PHF11: variants seen among roughly 807,000 people sequenced by gnomAD.
PHF11 encodes PHD finger protein 11.
In PHF11, 38 loss-of-function variants were observed where a neutral mutation model predicts 40.5. That is an observed-to-expected ratio of 0.94 (90% confidence interval 0.72 to 1.23). PHF11 has a LOEUF of 1.23. Among genes scored for constraint, PHF11 ranks in the 50% most tolerant of loss-of-function variants. PHF11 has a pLI of 0.00. For synonymous variants in PHF11, 127 were observed against 138.2 expected (o/e 0.92, Z 0.57); for missense variants, 369 against 392.4 (o/e 0.94, Z 0.50).
At position 49,504,402 on chromosome 13, in the gene PHF11, G is replaced by A. The variant is rs1444535070; in HGVS notation, c.95-2233G>A. ...GCCCTGGAGGCAGAGGTTGCAGTGA[G>A]CCATCATTGCGCCACTGCACTCCAA... On this transcript the variant is annotated intron_variant, in intron 1 of 9. Transcript: ENST00000378319. Among the ~76,000 whole-genome samples, 5 of 152,232 alleles carry A rather than the reference G, an allele frequency of 3.3e-5. No homozygotes were observed. The East Asian group carries it at 7.7e-4, about 24-fold the overall frequency.
chr13:49,505,087 C>A (rs1044613645), intron 1 of PHF11, among the ~76,000 whole-genome samples: 47 of 144,586 alleles, frequency 3.3e-4, no homozygotes, highest in African/African-American at 1.1e-3. Context: ...TGAGAAACAC[C>A]CAAGAATGAT....
intron 1 of PHF11, chr13:49,497,048 C>G: frequency 8.0e-7 from 1 of 1,250,428 alleles, no homozygotes; most frequent in South Asian, 1.3e-5. Flanking sequence ...ATGGGCTTAC[C>G]TTTAAAGGGC....
At position 49,506,730 on chromosome 13, in the gene PHF11, A is replaced by G. The variant is rs773908293; in HGVS notation, c.190A>G (p.Asn64Asp). The change falls in exon 2 of 10, where the codon AAT (asparagine) becomes GAT (aspartate). Residue 64 changes from asparagine (N) to aspartate (D), a missense_variant. By Grantham distance (23) the Asn-to-Asp change is conservative (BLOSUM62 1). Coordinates refer to ENST00000378319, the MANE Select transcript of PHF11 (RefSeq NM_001040443.3). Reference sequence around the variant, plus strand: ...TGTCCTATACTTTGCACAATCAGAGAATATAGCTGCTCATGAGAATTGTTT... The same window carrying G: ...TGTCCTATACTTTGCACAATCAGAGGATATAGCTGCTCATGAGAATTGTTT... ...YNVLYFAQSE[N>D]IAAHENCLLY... The G allele has an allele frequency of 2.5e-6, 4 of 1,608,454 alleles. No individual in the cohort carries two copies. The highest frequency in any genetic ancestry group is 3.4e-6 in the Non-Finnish European group (4 of 1,175,514).
chr13:49,496,583 G>T lies in PHF11; in HGVS notation c.94+488G>T, dbSNP rs1450235816. 8.5e-6 allele frequency: 3 copies of T among 353,414 alleles called. No homozygotes were observed. The East Asian group carries it at 5.1e-4, about 60-fold the overall frequency. 21.9% of individuals were successfully genotyped at this position (353,414 alleles called of 1,614,324 possible). A position where few individuals can be genotyped will look rare whatever the true frequency, so the allele number is the denominator to read the frequency against. On this transcript the variant is annotated intron_variant, in intron 1 of 9. Coordinates refer to ENST00000378319, the MANE Select transcript of PHF11 (RefSeq NM_001040443.3). ...TTCTCCAGTCGTTCCAGTCCTCCCCGGCCCTCTACTTGAGTGGGTGGGTCT... is the reference window on the plus strand; with the variant it reads ...TTCTCCAGTCGTTCCAGTCCTCCCCTGCCCTCTACTTGAGTGGGTGGGTCT...
chr13:49,523,284 C>T, intron 7 of PHF11, 43 bp downstream of exon 7: 2 of 1,348,380 alleles, frequency 1.5e-6, no homozygotes, highest in African/African-American at 2.9e-5. Context: ...GCCTACAATA[C>T]TTATAAAAAT....
chr13:49,497,070 A>G, intron 1 of PHF11: 1 of 1,273,580 alleles, frequency 7.9e-7, no homozygotes, highest in Non-Finnish European at 1.0e-6. Context: ...AGACTCAGCC[A>G]AAGGTGGAAA....
chr13:49,506,680 T>G lies in PHF11; in HGVS notation c.140T>G (p.Leu47Arg). 1 of 1,610,000 alleles carries G rather than the reference T, an allele frequency of 6.2e-7. No homozygotes were observed. Among genetic ancestry groups the G allele is most frequent in the Non-Finnish European group, 8.5e-7 (1 of 1,176,376 alleles). Residue 47 changes from leucine to arginine, a missense_variant, in exon 2 of 10, where the codon CTC becomes CGC. By Grantham distance (102) the Leu-to-Arg change is moderately radical (BLOSUM62 -2). Coordinates refer to ENST00000378319, the MANE Select transcript of PHF11 (RefSeq NM_001040443.3). ...AEKMEKRTCA[L>R]CPKDVEYNVL... ...AAGATGGAAAAAAGGACATGTGCAC[T>G]CTGCCCCAAAGATGTCGAATATAAT...
At chr13:49,514,046 A>AG (rs1959115964) in intron 3 of PHF11, among the ~76,000 whole-genome samples, 1 of 152,206 alleles carries the variant, frequency 6.6e-6, no homozygotes, top group Admixed American at 6.5e-5. Flanking sequence ...ATAACTAATC[A>AG]GGGGTCAGCT....
At chr13:49,506,792 GTAC>G in intron 2 of PHF11, 36 bp downstream of exon 2, 1 of 1,481,446 alleles carries the variant, frequency 6.8e-7, no homozygotes, top group Non-Finnish European at 9.3e-7. Context: ...AAGTACATGA[GTAC>G]TTTTAGTGTA....
chr13:49,523,362 A>G lies in PHF11; in HGVS notation c.637+121A>G, dbSNP rs947802145. ...TATTCTTCTAGGCTTGTGGTAATTA[A>G]TGAGTATAAATCTTTATCGCAACTG... On this transcript the variant is annotated intron_variant, in intron 7 of 9. Coordinates refer to ENST00000378319, the MANE Select transcript of PHF11 (RefSeq NM_001040443.3). 1.0e-5 allele frequency: 7 copies of G among 675,462 alleles called. No individual in the cohort carries two copies. In the East Asian group the frequency reaches 1.4e-4, roughly 13 times the overall value. The allele number at this position is 675,462 out of a possible 1,614,324, so 41.8% of individuals were successfully genotyped here. A position where few individuals can be genotyped will look rare whatever the true frequency, so the allele number is the denominator to read the frequency against.
At chr13:49,498,186 C>T (rs866421857) in intron 1 of PHF11, among the ~76,000 whole-genome samples, 1 of 152,206 alleles carries the variant, frequency 6.6e-6, no homozygotes, top group Non-Finnish European at 1.5e-5. Flanking sequence ...AGTAGGTACT[C>T]ATTAAATATT....
intron 4 of PHF11, among the ~76,000 whole-genome samples, chr13:49,519,195 T>C (rs1959176353): frequency 6.6e-6 from 1 of 152,226 alleles, no homozygotes; most frequent in Non-Finnish European, 1.5e-5. Context: ...TAATCAGACA[T>C]GAAATGTGTA....
At chr13:49,523,043 G>A (rs1959197416) in intron 6 of PHF11, 132 bp from the exon 7 acceptor site, 1 of 714,296 alleles carries the variant, frequency 1.4e-6, no homozygotes, top group Non-Finnish European at 2.5e-6. Flanking sequence ...GATTACAGGC[G>A]TGAGACACCG....
rs1034611668 is a variant in PHF11 at position 49,496,115 on chromosome 13, G to A, written c.94+20G>A. 17 of 1,129,878 alleles carry A rather than the reference G, an allele frequency of 1.5e-5. No homozygotes were observed. The African/African-American group carries it at 2.8e-4, about 18-fold the overall frequency. 70.0% of individuals were successfully genotyped at this position (1,129,878 alleles called of 1,614,324 possible). The stretch of plus-strand genomic sequence containing the variant: ...CCACCGGTGTGTACCGCGGGGGCGG[G>A]CGGGCGGGCGGGCGGGGCTGGGCAG... On this transcript the variant is annotated intron_variant, in intron 1 of 9. Coordinates refer to ENST00000378319, the MANE Select transcript of PHF11 (RefSeq NM_001040443.3).
intron 5 of PHF11, 81 bp downstream of exon 5, chr13:49,521,021 G>A (rs1354290152): frequency 8.9e-6 from 13 of 1,461,124 alleles, no homozygotes; most frequent in African/African-American, 1.4e-5. Flanking sequence ...TAATTTTCTA[G>A]CCTCGTTGAA....
chr13:49,501,020 T>TG (rs1566185438), intron 1 of PHF11, among the ~76,000 whole-genome samples: 2 of 146,708 alleles, frequency 1.4e-5, no homozygotes, highest in African/African-American at 2.5e-5. Flanking sequence ...TTTTTTGGTT[T>TG]TTTTTTTTCT....
chr13:49,525,920 G>A (rs997254683), intron 8 of PHF11: 7 of 391,716 alleles, frequency 1.8e-5, no homozygotes, highest in Non-Finnish European at 2.0e-5. Context: ...TGTAATCCCA[G>A]CACTTTGGGA....
chr13:49,524,211 A>C lies in PHF11; in HGVS notation c.764A>C (p.Glu255Ala). The change falls in exon 8 of 10, where the codon GAA (glutamate) becomes GCA (alanine). Residue 255 changes from glutamate (E) to alanine (A), a missense_variant. Coordinates refer to ENST00000378319, the MANE Select transcript of PHF11 (RefSeq NM_001040443.3). ...AAACTCATGGATGAGACTACTTCAG[A>C]ATCAGGTACTGATGAAGAGCAATAT... The part of the protein sequence containing the change: ...PEKLMDETTS[E>A]SDYEEIGSAL... The C allele has an allele frequency of 6.2e-7, 1 of 1,606,570 alleles. No homozygotes were observed. The highest frequency in any genetic ancestry group is 8.5e-7 in the Non-Finnish European group (1 of 1,175,396).
chr13:49,512,190 T>A (rs4417458), intron 2 of PHF11, among the ~76,000 whole-genome samples: 103,755 of 152,088 alleles, frequency 0.68, 35,787 homozygotes, highest in East Asian at 0.87. Flanking sequence ...CCTTCTTTCA[T>A]GAAGTGTCTA....
Sources: allele counts gnomAD v4.1 joint callset (sites outside exome capture counted in the v4.1 genomes callset), GRCh38; gene constraint gnomAD v4.1.1; transcripts MANE v1.5; gene names NCBI Gene and HGNC (gene_info 2026-07-23, HGNC 2026-07-21).